The following OTOGL variants were observed in gnomAD, a reference collection of about 807,000 sequenced individuals.
OTOGL encodes the protein otogelin-like protein.
OTOGL carries 285 observed loss-of-function variants against 318.5 expected under a neutral mutation model. The observed-to-expected ratio is 0.89, with a 90% CI of 0.81 to 0.99. The LOEUF (loss-of-function observed/expected upper bound fraction) is 0.99. Among genes scored for constraint, OTOGL ranks in the 50% least tolerant of loss-of-function variants. The pLI is 0.00. For missense variants in OTOGL, 2,899 were observed against 2,845.6 expected, an observed-to-expected ratio of 1.02 and a Z score of -0.43; for synonymous variants, 987 against 936.5, an observed-to-expected ratio of 1.05 and a Z score of -0.99.
At chr12:80,354,988 A>G (rs1463161158) in intron 46 of OTOGL, among the ~76,000 whole-genome samples, 1 of 152,150 alleles carries the variant, frequency 6.6e-6, no homozygotes, top group Non-Finnish European at 1.5e-5. Flanking sequence ...TAAATGTTAT[A>G]TGAGGTAGGG....
In OTOGL at chr12:80,314,155, G is replaced by T. The variant is rs1592696971; in HGVS notation, c.3608-150G>T. The T allele has an allele frequency of 1.7e-5, 5 of 293,318 alleles. No individual in the cohort carries two copies. In the East Asian group the frequency reaches 2.2e-4, roughly 13 times the overall value. 18.2% of individuals were successfully genotyped at this position (293,318 alleles called of 1,614,324 possible). ...AATTAATTACAGCATATCGCTTAAA[G>T]AATCTTCTTTGCTCAGAAAAAGTTC... On this transcript the variant is annotated intron_variant, in intron 31 of 58. Coordinates refer to ENST00000547103, the MANE Select transcript of OTOGL (RefSeq NM_001378609.3).
intron 1 of OTOGL, among the ~76,000 whole-genome samples, chr12:80,149,776 C>T (rs1055520575): frequency 2.6e-5 from 4 of 152,170 alleles, no homozygotes; most frequent in African/African-American, 7.2e-5. Flanking sequence ...TGTGGTGCAC[C>T]GTTTTTTAAG....
chr12:80,327,958 C>CAAAAAAAAAAAAAAAA (rs397687373), intron 35 of OTOGL, among the ~76,000 whole-genome samples: 3 of 30,926 alleles, frequency 9.7e-5, no homozygotes, highest in African/African-American at 5.6e-4. Context: ...GACTCTGTCT[C>CAAAAAAAAAAAAAAAA]AAAAAAAAAA....
At chr12:80,269,789 C>A (rs1883263680) in intron 22 of OTOGL, among the ~76,000 whole-genome samples, 2 of 152,110 alleles carry the variant, frequency 1.3e-5, no homozygotes, top group African/African-American at 4.8e-5. Flanking sequence ...TGTCACACTG[C>A]ATACATTATT....
intron 1 of OTOGL, 84 bp from the exon 2 acceptor site, chr12:80,209,329 T>G: frequency 1.5e-6 from 1 of 658,866 alleles, no homozygotes; most frequent in Non-Finnish European, 2.3e-6. Flanking sequence ...CATAGCTATA[T>G]TTATTAGAAT....
intron 1 of OTOGL, among the ~76,000 whole-genome samples, chr12:80,107,890 A>T (rs923506561): frequency 3.3e-5 from 5 of 152,110 alleles, no homozygotes; most frequent in South Asian, 4.1e-4. Context: ...AATGGGAGCT[A>T]AGTAACAAGA....
chr12:80,228,745 T>C (rs1370647606), intron 7 of OTOGL, among the ~76,000 whole-genome samples: 1 of 152,162 alleles, frequency 6.6e-6, no homozygotes, highest in Non-Finnish European at 1.5e-5. Flanking sequence ...CTAATTTTCC[T>C]ATTAATTTTT....
intron 26 of OTOGL, among the ~76,000 whole-genome samples, chr12:80,289,426 G>T (rs1884874753): frequency 6.6e-6 from 1 of 152,222 alleles, no homozygotes; most frequent in East Asian, 1.9e-4. Context: ...TGAGCATTCT[G>T]CTGTGAGATC....
At chr12:80,137,551 C>CTTAA (rs978335825) in intron 1 of OTOGL, among the ~76,000 whole-genome samples, 1 of 152,066 alleles carries the variant, frequency 6.6e-6, no homozygotes, top group Non-Finnish European at 1.5e-5. Context: ...GTGCCCAGAC[C>CTTAA]TTAACATGCT....
At chr12:80,362,575 A>C (rs1179736954) in intron 52 of OTOGL, among the ~76,000 whole-genome samples, 1 of 152,206 alleles carries the variant, frequency 6.6e-6, no homozygotes, top group Non-Finnish European at 1.5e-5. Context: ...TGAGTAGTAT[A>C]GATATCTTAA....
chr12:80,309,129 TA>T (rs1338783335), intron 29 of OTOGL, among the ~76,000 whole-genome samples: 4 of 152,248 alleles, frequency 2.6e-5, no homozygotes, highest in Admixed American at 6.5e-5. Flanking sequence ...TCAGGTCATT[TA>T]AAAAATTCAC....
chr12:80,192,426 C>T (rs1353855023), intron 1 of OTOGL, among the ~76,000 whole-genome samples: 2 of 152,222 alleles, frequency 1.3e-5, no homozygotes, highest in Non-Finnish European at 2.9e-5. Flanking sequence ...ATTCCTAGCC[C>T]CCTTTCTTTG....
intron 1 of OTOGL, among the ~76,000 whole-genome samples, chr12:80,191,939 A>G (rs1340573950): frequency 6.6e-6 from 1 of 152,228 alleles, no homozygotes; most frequent in Non-Finnish European, 1.5e-5. Flanking sequence ...GCGATATTTC[A>G]TTCAATTTTG....
chr12:80,120,411 T>TTACA (rs1369877024), intron 1 of OTOGL, among the ~76,000 whole-genome samples: 1 of 152,078 alleles, frequency 6.6e-6, no homozygotes, highest in African/African-American at 2.4e-5. Flanking sequence ...TAAAAAAAAG[T>TTACA]TACATACCTG....
chr12:80,209,549 A>C (rs1345733905), intron 2 of OTOGL, 39 bp downstream of exon 2: 1 of 1,335,236 alleles, frequency 7.5e-7, no homozygotes, highest in Middle Eastern at 1.9e-4. Context: ...AATTTATTGT[A>C]TTTTTGTTTC....
intron 7 of OTOGL, among the ~76,000 whole-genome samples, chr12:80,226,158 T>A (rs1447503295): frequency 1.4e-5 from 2 of 144,408 alleles, no homozygotes; most frequent in African/African-American, 5.2e-5. Flanking sequence ...ATCTTAGTTA[T>A]GCCACCCTTC....
chr12:80,292,431 C>T (rs1252601093), intron 26 of OTOGL, among the ~76,000 whole-genome samples: 4 of 152,194 alleles, frequency 2.6e-5, no homozygotes, highest in Admixed American at 2.0e-4. Context: ...GCCAGCAATC[C>T]TCATGAACAC....
intron 1 of OTOGL, among the ~76,000 whole-genome samples, chr12:80,173,128 C>T (rs1014987951): frequency 2.0e-5 from 3 of 151,844 alleles, no homozygotes; most frequent in Non-Finnish European, 4.4e-5. Flanking sequence ...TTATACTGTC[C>T]TGATTAAGCT....
chr12:80,125,765 C>G (rs561261235), intron 1 of OTOGL, among the ~76,000 whole-genome samples: 9 of 151,960 alleles, frequency 5.9e-5, no homozygotes, highest in African/African-American at 9.6e-5. Context: ...GTTTAGTCTT[C>G]GGAGGGTGTA....
Sources: allele counts gnomAD v4.1 joint callset (sites outside exome capture counted in the v4.1 genomes callset), GRCh38; gene constraint gnomAD v4.1.1; transcripts MANE v1.5; gene names NCBI Gene and HGNC (gene_info 2026-07-23, HGNC 2026-07-21).